NOX4: variants seen among roughly 807,000 people sequenced by gnomAD.
NOX4 encodes NADPH oxidase 4.
In NOX4, 69 loss-of-function variants were observed where a neutral mutation model predicts 87.6. The ratio of observed to expected loss-of-function variants is 0.79; its 90% CI spans 0.65 to 0.96. The LOEUF is 0.96. Among genes scored for constraint, NOX4 ranks in the 40% least tolerant of loss-of-function variants. NOX4 has a pLI of 0.00. For synonymous variants in NOX4, 275 were observed against 238.2 expected (o/e 1.15, Z -1.42); for missense variants, 680 against 681.5 (o/e 1.00, Z 0.02).
chr11:89,444,257 T>C, intron 4 of NOX4, 25 bp from the exon 5 acceptor site: 1 of 1,592,112 alleles, frequency 6.3e-7, no homozygotes, highest in Non-Finnish European at 8.6e-7. Context: ...CAGGGGTAAG[T>C]TAGTGGGATT....
intron 6 of NOX4, among the ~76,000 whole-genome samples, chr11:89,438,456 T>G (rs1236358370): frequency 1.2e-5 from 1 of 85,290 alleles, no homozygotes; most frequent in African/African-American, 6.5e-5. Flanking sequence ...TTATATAATA[T>G]ACAGCATATA....
intron 8 of NOX4, among the ~76,000 whole-genome samples, chr11:89,409,944 C>T (rs1027757408): frequency 6.6e-6 from 1 of 152,052 alleles, no homozygotes; most frequent in African/African-American, 2.4e-5. Flanking sequence ...AGAGCTGGGT[C>T]TGAGCATGCT....
intron 17 of NOX4, among the ~76,000 whole-genome samples, chr11:89,330,167 G>A (rs944110289): frequency 1.3e-5 from 2 of 151,976 alleles, no homozygotes; most frequent in Non-Finnish European, 2.9e-5. Context: ...GGCCAACAGA[G>A]TGAGATCCCA....
intron 11 of NOX4, among the ~76,000 whole-genome samples, chr11:89,376,738 C>T (rs951079782): frequency 6.6e-6 from 1 of 152,032 alleles, no homozygotes; most frequent in Non-Finnish European, 1.5e-5. Context: ...AAAAATTAGC[C>T]AGGCATGGTG....
chr11:89,450,852 T>A (rs910842204), intron 3 of NOX4, among the ~76,000 whole-genome samples: 1 of 151,372 alleles, frequency 6.6e-6, no homozygotes, highest in African/African-American at 2.4e-5. Context: ...ATTAAGAAAA[T>A]GTGGCACATA....
chr11:89,395,877 A>G (rs928830667), intron 11 of NOX4, among the ~76,000 whole-genome samples: 3 of 152,090 alleles, frequency 2.0e-5, no homozygotes, highest in African/African-American at 7.2e-5. Context: ...CTGTTTTGGT[A>G]GCAGTACCAT....
chr11:89,526,103 T>C, the NOX4 span, among the ~76,000 whole-genome samples: 2 of 152,200 alleles, frequency 1.3e-5, no homozygotes, highest in African/African-American at 2.4e-5. Context: ...TACAGCCTTA[T>C]AGTAGGTCTT....
chr11:89,466,338 TA>T (rs1945692717), intron 2 of NOX4, among the ~76,000 whole-genome samples: 1 of 152,236 alleles, frequency 6.6e-6, no homozygotes, highest in Admixed American at 6.5e-5. Flanking sequence ...TCCTACTTAA[TA>T]AATATTAATT....
chr11:89,555,796 G>T, the NOX4 span, among the ~76,000 whole-genome samples: 1 of 152,080 alleles, frequency 6.6e-6, no homozygotes, highest in Non-Finnish European at 1.5e-5. Flanking sequence ...AAAGGAGAGA[G>T]CCGATATGTA....
intron 2 of NOX4, among the ~76,000 whole-genome samples, chr11:89,486,713 TATGTGTATATATATGTATA>T: frequency 6.8e-6 from 1 of 147,986 alleles, no homozygotes; most frequent in Admixed American, 6.8e-5. Flanking sequence ...TGTGTGTATA[TATGTGTATATATATGTATA>T]TTTTTTTTAT....
chr11:89,406,234 A>G (rs1385961901), intron 8 of NOX4, among the ~76,000 whole-genome samples: 1 of 152,128 alleles, frequency 6.6e-6, no homozygotes, highest in Admixed American at 6.6e-5. Flanking sequence ...TATTAAGGAT[A>G]TTTGGATTGA....
the NOX4 span, among the ~76,000 whole-genome samples, chr11:89,584,497 G>A: frequency 2.0e-5 from 3 of 152,156 alleles, no homozygotes; most frequent in African/African-American, 7.2e-5. Flanking sequence ...GAAGTGTGTG[G>A]TAAATAAATT....
chr11:89,478,980 A>G (rs1181019499), intron 2 of NOX4, among the ~76,000 whole-genome samples: 1 of 151,592 alleles, frequency 6.6e-6, no homozygotes, highest in Non-Finnish European at 1.5e-5. Context: ...AGCCTGGGCA[A>G]CATAATGAGA....
the NOX4 span, among the ~76,000 whole-genome samples, chr11:89,567,112 C>G: frequency 1.3e-5 from 2 of 152,136 alleles, no homozygotes; most frequent in Non-Finnish European, 2.9e-5. Flanking sequence ...CTATCTGGTC[C>G]ATGGGACGGG....
intron 8 of NOX4, among the ~76,000 whole-genome samples, chr11:89,408,856 C>A (rs930690540): frequency 2.0e-5 from 3 of 152,068 alleles, no homozygotes; most frequent in East Asian, 3.9e-4. Context: ...TCAAAGAATC[C>A]CACATTTCAT....
chr11:89,422,044 A>G, intron 7 of NOX4, 62 bp from the exon 8 acceptor site: 1 of 866,770 alleles, frequency 1.2e-6, no homozygotes, highest in South Asian at 1.7e-5. Context: ...AAAAATATCA[A>G]AAATACCATG....
At chr11:89,564,754 G>T in the NOX4 span, among the ~76,000 whole-genome samples, 37 of 148,460 alleles carry the variant, frequency 2.5e-4, no homozygotes, top group East Asian at 1.0e-3. Context: ...TTTGTTTTTT[G>T]TTTTTTTTTT....
At chr11:89,575,869 A>T in the NOX4 span, among the ~76,000 whole-genome samples, 1 of 152,184 alleles carries the variant, frequency 6.6e-6, no homozygotes, top group Non-Finnish European at 1.5e-5. Context: ...AAGTTTTGTC[A>T]CTTGGTCAAG....
At chr11:89,339,036 T>C (rs1590958438) in intron 15 of NOX4, among the ~76,000 whole-genome samples, 1 of 152,268 alleles carries the variant, frequency 6.6e-6, no homozygotes, top group South Asian at 2.1e-4. Context: ...AGTTTTCAGA[T>C]CCTAGAATAG....
Sources: gnomAD v4.1 joint callset for allele counts (sites outside exome capture counted in the v4.1 genomes callset) on GRCh38, gnomAD v4.1.1 for gene constraint, MANE v1.5 for transcripts, NCBI Gene and HGNC (gene_info 2026-07-23, HGNC 2026-07-21) for gene names.